ROR2: variants seen among roughly 807,000 people sequenced by gnomAD.
The protein encoded by ROR2 is ROR family WNT receptor 2, also known as tyrosine-protein kinase transmembrane receptor ROR2.
Under a neutral mutation model 74.9 loss-of-function variants are expected in ROR2, and 33 were observed. The ratio of observed to expected loss-of-function variants is 0.44; its 90% CI spans 0.33 to 0.59. ROR2 has a LOEUF of 0.59. Ranked by LOEUF, ROR2 falls within the 20% of genes least tolerant of loss-of-function variation. The pLI, the probability that ROR2 is intolerant of heterozygous loss-of-function variation, is 0.02. For missense variants in ROR2, 1,216 were observed against 1,313.8 expected (o/e 0.93, Z 1.15); for synonymous variants, 586 against 558.7 (o/e 1.05, Z -0.69).
chr9:91,931,038 CAAA>C (rs1831536817), intron 1 of ROR2, among the ~76,000 whole-genome samples: 1 of 151,348 alleles, frequency 6.6e-6, no homozygotes, highest in Non-Finnish European at 1.5e-5. Flanking sequence ...AGAAAACAAA[CAAA>C]AGGGAGAAAA....
intron 1 of ROR2, among the ~76,000 whole-genome samples, chr9:91,865,715 T>C (rs1829612111): frequency 6.6e-6 from 1 of 152,194 alleles, no homozygotes; most frequent in Non-Finnish European, 1.5e-5. Context: ...TAATTTTTGG[T>C]TGGAGGCATG....
chr9:91,810,159 T>C (rs1445072276), intron 1 of ROR2, among the ~76,000 whole-genome samples: 1 of 152,182 alleles, frequency 6.6e-6, no homozygotes, highest in African/African-American at 2.4e-5. Context: ...TTTCCCACCA[T>C]GCCCGAGGCT....
At chr9:91,763,535 T>C (rs1415021699) in intron 2 of ROR2, among the ~76,000 whole-genome samples, 1 of 152,228 alleles carries the variant, frequency 6.6e-6, no homozygotes, top group Non-Finnish European at 1.5e-5. Flanking sequence ...GCTACAGTTT[T>C]AGTTCGCATC....
chr9:91,823,367 C>T (rs1828192835), intron 1 of ROR2, among the ~76,000 whole-genome samples: 1 of 150,340 alleles, frequency 6.7e-6, no homozygotes, highest in Non-Finnish European at 1.5e-5. Context: ...CGGAATCTTG[C>T]TCTCTCGCCC....
rs1007980493 is a variant in ROR2, at chr9:91,913,120, G to A, written c.97+36747C>T. Reference sequence around the variant, plus strand: ...CTCCAGCCTGAGCAACAGAGTGAGAGACTCCATCTAAACAAGAAACAAACA... The same window carrying A: ...CTCCAGCCTGAGCAACAGAGTGAGAAACTCCATCTAAACAAGAAACAAACA... On this transcript the variant is annotated intron_variant, in intron 1 of 8. Transcript: ENST00000375708. 2.0e-5 allele frequency among the ~76,000 whole-genome samples: 3 copies of A among 151,938 alleles called. 1 individual carries two copies. Among genetic ancestry groups the A allele is most frequent in the Non-Finnish European group, 4.4e-5 (3 of 68,000 alleles).
At chr9:91,819,237 A>G (rs1362031282) in intron 1 of ROR2, among the ~76,000 whole-genome samples, 1 of 152,148 alleles carries the variant, frequency 6.6e-6, no homozygotes, top group Admixed American at 6.5e-5. Flanking sequence ...AACACCACAG[A>G]AGCACCAACC....
intron 4 of ROR2, among the ~76,000 whole-genome samples, chr9:91,745,610 G>C (rs1013639211): frequency 6.6e-6 from 1 of 151,720 alleles, no homozygotes; most frequent in African/African-American, 2.4e-5. Context: ...ATTTTTAGTA[G>C]GGATGGGGTT....
intron 4 of ROR2, among the ~76,000 whole-genome samples, chr9:91,745,836 T>A (rs1384761613): frequency 6.6e-6 from 1 of 152,168 alleles, no homozygotes; most frequent in Non-Finnish European, 1.5e-5. Context: ...GTTTCTAGCT[T>A]TTATTCCGGT....
intron 1 of ROR2, among the ~76,000 whole-genome samples, chr9:91,895,291 G>A (rs867415398): frequency 2.7e-4 from 41 of 152,092 alleles, no homozygotes; most frequent in African/African-American, 9.7e-4. Flanking sequence ...AATTTTTACG[G>A]CATTGAAAAA....
chr9:91,894,460 A>C (rs576785912), intron 1 of ROR2, among the ~76,000 whole-genome samples: 1 of 152,328 alleles, frequency 6.6e-6, no homozygotes, highest in African/African-American at 2.4e-5. Flanking sequence ...CCAGTGAGGC[A>C]ATTTCTCTAA....
chr9:91,728,929 G>A, intron 7 of ROR2, among the ~76,000 whole-genome samples: 1 of 152,134 alleles, frequency 6.6e-6, no homozygotes, highest in Admixed American at 6.5e-5. Flanking sequence ...TCTGTTTTAT[G>A]TTTAGCTCTC....
intron 1 of ROR2, among the ~76,000 whole-genome samples, chr9:91,807,726 C>T (rs542510806): frequency 2.6e-5 from 4 of 152,220 alleles, no homozygotes; most frequent in African/African-American, 9.6e-5. Context: ...AAAATCTCCA[C>T]ATTTGGTCAC....
intron 7 of ROR2, 59 bp downstream of exon 7, chr9:91,730,851 C>G: frequency 2.5e-6 from 4 of 1,610,882 alleles, no homozygotes; most frequent in Non-Finnish European, 3.4e-6. Context: ...ACAGAACGCC[C>G]TCATCACAAG....
chr9:91,731,660 G>A (rs928252836), intron 6 of ROR2, among the ~76,000 whole-genome samples: 1 of 152,150 alleles, frequency 6.6e-6, no homozygotes, highest in South Asian at 2.1e-4. Flanking sequence ...AAACCCTCCT[G>A]GCTGGGGCAC....
At chr9:91,885,557 G>A (rs1830246126) in intron 1 of ROR2, among the ~76,000 whole-genome samples, 1 of 152,216 alleles carries the variant, frequency 6.6e-6, no homozygotes, top group Non-Finnish European at 1.5e-5. Context: ...CCTAAGGGAA[G>A]GAGAGGCCAA....
chr9:91,925,318 C>T (rs375828525), intron 1 of ROR2, among the ~76,000 whole-genome samples: 1 of 152,134 alleles, frequency 6.6e-6, no homozygotes, highest in South Asian at 2.1e-4. Context: ...CTCTCAAGAA[C>T]GCACTTCCCC....
At chr9:91,762,243 A>G (rs1825935291) in intron 2 of ROR2, among the ~76,000 whole-genome samples, 1 of 152,138 alleles carries the variant, frequency 6.6e-6, no homozygotes, top group Non-Finnish European at 1.5e-5. Flanking sequence ...CGGATAAGAG[A>G]GAATGATCCT....
At chr9:91,941,828 C>T (rs10125384) in intron 1 of ROR2, among the ~76,000 whole-genome samples, 63,881 of 148,332 alleles carry the variant, frequency 0.43, 14,610 homozygotes, top group African/African-American at 0.61. Context: ...TGTTGCTCTG[C>T]TGCCCAGACT....
intron 1 of ROR2, among the ~76,000 whole-genome samples, chr9:91,896,760 TAAACA>T (rs1362273446): frequency 6.6e-6 from 1 of 152,216 alleles, no homozygotes; most frequent in East Asian, 1.9e-4. Flanking sequence ...TAGAACTGAT[TAAACA>T]AAACAATGTT....
Sources: gnomAD v4.1 joint callset for allele counts (sites outside exome capture counted in the v4.1 genomes callset) on GRCh38, gnomAD v4.1.1 for gene constraint, MANE v1.5 for transcripts, NCBI Gene and HGNC (gene_info 2026-07-23, HGNC 2026-07-21) for gene names.